The following LARP4B variants were observed in gnomAD, a reference collection of about 807,000 sequenced individuals.
LARP4B encodes La ribonucleoprotein 4B.
In LARP4B, 12 loss-of-function variants were observed where a neutral mutation model predicts 89.8. The observed-to-expected ratio is 0.13, with a 90% confidence interval of 0.09 to 0.22. The LOEUF is 0.22. Ranked by LOEUF, LARP4B falls within the 10% of genes least tolerant of loss-of-function variation. The pLI, the probability that LARP4B is intolerant of heterozygous loss-of-function variation, is 1.00. For missense variants in LARP4B, 757 were observed against 947.7 expected, an observed-to-expected ratio of 0.80 and a Z score of 2.64; for synonymous variants, 367 against 363.3, an observed-to-expected ratio of 1.01 and a Z score of -0.12.
At chr10:839,214 T>C (rs142656981) in intron 7 of LARP4B, among the ~76,000 whole-genome samples, 88 of 152,344 alleles carry the variant, frequency 5.8e-4, no homozygotes, top group Admixed American at 4.5e-3. Flanking sequence ...TCTGAACCCA[T>C]AGAATATACA....
chr10:854,111 G>C (rs1040441347), intron 5 of LARP4B, among the ~76,000 whole-genome samples: 3 of 152,234 alleles, frequency 2.0e-5, no homozygotes, highest in African/African-American at 7.2e-5. Context: ...TAAGAAGCAA[G>C]TTTTACACAT....
rs141600550 is a variant in LARP4B, at chr10:854,367, G to A, written c.431-9312C>T. Reference sequence around the variant, plus strand: ...GAATCCTTTCCAGAATCCATCAGAGGAACCATGATCTATACAGCTAGAGCC... The same window carrying A: ...GAATCCTTTCCAGAATCCATCAGAGAAACCATGATCTATACAGCTAGAGCC... On this transcript the variant is annotated intron_variant, in intron 5 of 17. Transcript: ENST00000316157. Among the ~76,000 whole-genome samples the A allele has an allele frequency of 2.0e-3, 306 of 152,184 alleles. 1 individual carries two copies. Among genetic ancestry groups the A allele is most frequent in the South Asian group, 4.1e-3 (20 of 4,820 alleles).
rs1012882705 is a variant in LARP4B, at chr10:838,532, T to C, written c.647-2026A>G. On this transcript the variant is annotated intron_variant, in intron 7 of 17. Coordinates refer to ENST00000316157, the MANE Select transcript of LARP4B (RefSeq NM_015155.3). ...GAAAAACGCTTCACATCATATGTCATAGGGAATGCAAATTAAGACATCAAT... is the reference window on the plus strand; with the variant it reads ...GAAAAACGCTTCACATCATATGTCACAGGGAATGCAAATTAAGACATCAAT... Among the ~76,000 whole-genome samples, 7 of 152,172 alleles carry C rather than the reference T, an allele frequency of 4.6e-5. No individual in the cohort carries two copies. The South Asian group carries it at 6.2e-4, about 14-fold the overall frequency.
chr10:915,711 AGAGAATAGCGACTCAGGAGGCTGAGGCAG>A (rs1016456562), intron 1 of LARP4B, among the ~76,000 whole-genome samples: 5 of 149,296 alleles, frequency 3.3e-5, no homozygotes, highest in Admixed American at 3.3e-4. Context: ...GGCTGAGGCA[AGAGAATAGCGACTCAGGAGGCTGAGGCAG>A]GAGAATGGCG....
At chr10:978,370 G>A in the LARP4B span, among the ~76,000 whole-genome samples, 2 of 152,084 alleles carry the variant, frequency 1.3e-5, no homozygotes, top group African/African-American at 4.8e-5. Context: ...TTACATTAAA[G>A]TTATCTTTAT....
intron 5 of LARP4B, among the ~76,000 whole-genome samples, chr10:853,311 G>A (rs557760874): frequency 6.6e-6 from 1 of 152,052 alleles, no homozygotes; most frequent in South Asian, 2.1e-4. Flanking sequence ...AAAATTATGA[G>A]TACACTAAAC....
the LARP4B span, among the ~76,000 whole-genome samples, chr10:945,501 A>G: frequency 1.3e-5 from 2 of 151,434 alleles, no homozygotes; most frequent in African/African-American, 4.9e-5. Flanking sequence ...CCTGGCTAAT[A>G]TGGTGAAACC....
the LARP4B span, among the ~76,000 whole-genome samples, chr10:937,680 T>C: frequency 6.6e-6 from 1 of 151,904 alleles, no homozygotes; most frequent in Non-Finnish European, 1.5e-5. Flanking sequence ...TCAGACAAAC[T>C]CGAAGGACAT....
At chr10:864,322 A>G (rs747504687) in intron 3 of LARP4B, 52 bp from the exon 4 acceptor site, 12 of 1,585,350 alleles carry the variant, frequency 7.6e-6, no homozygotes, top group Non-Finnish European at 1.0e-5. Flanking sequence ...ACCAAATACA[A>G]TTTTACTCAT....
At chr10:824,820 G>C (rs1013417571) in intron 13 of LARP4B, among the ~76,000 whole-genome samples, 28 of 151,878 alleles carry the variant, frequency 1.8e-4, no homozygotes, top group African/African-American at 6.1e-4. Flanking sequence ...TGGAGTCTAT[G>C]GCTATTGAGC....
intron 1 of LARP4B, among the ~76,000 whole-genome samples, chr10:906,542 A>G (rs1249942995): frequency 1.3e-5 from 2 of 151,904 alleles, no homozygotes; most frequent in Non-Finnish European, 2.9e-5. Context: ...TCCTGGTGAC[A>G]GGCCACGGTA....
chr10:920,986 G>A (rs1304115062), intron 1 of LARP4B, among the ~76,000 whole-genome samples: 1 of 151,826 alleles, frequency 6.6e-6, no homozygotes, highest in Non-Finnish European at 1.5e-5. Context: ...AAAACTGGAA[G>A]TTAAGGGTCA....
At chr10:976,534 C>A in the LARP4B span, among the ~76,000 whole-genome samples, 3 of 142,556 alleles carry the variant, frequency 2.1e-5, no homozygotes, top group East Asian at 6.3e-4. Context: ...TGCGGCCCGG[C>A]CTAGTAGAAG....
intron 8 of LARP4B, among the ~76,000 whole-genome samples, chr10:835,539 T>TAC (rs1833165715): frequency 6.6e-6 from 1 of 152,218 alleles, no homozygotes. Flanking sequence ...ACAAAGACTT[T>TAC]ACCTCATGAT....
chr10:955,474 G>A, the LARP4B span, among the ~76,000 whole-genome samples: 4 of 152,220 alleles, frequency 2.6e-5, no homozygotes, highest in Non-Finnish European at 5.9e-5. The surrounding 1 kb of genome is among the most constrained non-coding windows in gnomAD (Gnocchi z 5.2). Context: ...CCTGTTCTGT[G>A]GTTTTGGTGC....
chr10:828,157 G>A (rs979828358), intron 11 of LARP4B, among the ~76,000 whole-genome samples: 4 of 152,140 alleles, frequency 2.6e-5, no homozygotes, highest in Non-Finnish European at 4.4e-5. Context: ...AAGCACCTGC[G>A]CAGTTAGGCC....
chr10:848,089 C>T (rs932121694), intron 5 of LARP4B, among the ~76,000 whole-genome samples: 3 of 152,188 alleles, frequency 2.0e-5, no homozygotes, highest in African/African-American at 7.2e-5. Flanking sequence ...CTACCCAAGG[C>T]TCGTGGAAGA....
chr10:959,823 TTCCCACCTCCTCGTCATTC>T, the LARP4B span, among the ~76,000 whole-genome samples: 1 of 100,900 alleles, frequency 9.9e-6, no homozygotes, highest in African/African-American at 4.0e-5. Flanking sequence ...CTCCTCGTCA[TTCCCACCTCCTCGTCATTC>T]CCACCTCCTC....
At chr10:968,566 C>CTAAGTCACTGAGTGACTA in the LARP4B span, among the ~76,000 whole-genome samples, 6,996 of 152,258 alleles carry the variant, frequency 0.046, 535 homozygotes, top group African/African-American at 0.16. Flanking sequence ...GGAACAAAGA[C>CTAAGTCACTGAGTGACTA]AGGTCACTGA....
Sources: allele counts gnomAD v4.1 joint callset (sites outside exome capture counted in the v4.1 genomes callset), GRCh38; gene constraint gnomAD v4.1.1; non-coding constraint Gnocchi (gnomAD v3.1); transcripts MANE v1.5; gene names NCBI Gene and HGNC (gene_info 2026-07-23, HGNC 2026-07-21).